SAMD4A: variants seen among roughly 807,000 people sequenced by gnomAD.
SAMD4A encodes the protein protein Smaug homolog 1.
In SAMD4A, 33 loss-of-function variants were observed where a neutral mutation model predicts 81.3. The observed-to-expected ratio is 0.41, with a 90% CI of 0.31 to 0.54. The LOEUF (loss-of-function observed/expected upper bound fraction) is 0.54, where lower values mean the gene tolerates loss of function less well. SAMD4A is among the 20% of genes least tolerant of loss of function. SAMD4A has a pLI of 0.37. For missense variants in SAMD4A, 854 were observed against 951.1 expected, an observed-to-expected ratio of 0.90 and a Z score of 1.34; for synonymous variants, 389 against 382.1, an observed-to-expected ratio of 1.02 and a Z score of -0.21.
chr14:54,642,015 C>CT (rs1308417260), intron 2 of SAMD4A, among the ~76,000 whole-genome samples: 4 of 152,160 alleles, frequency 2.6e-5, no homozygotes, highest in Non-Finnish European at 5.9e-5. Context: ...CCAGGCTGGT[C>CT]TTGAACTCCT....
Position 54,789,255 on chromosome 14 carries a change from G to A in SAMD4A, c.*311G>A. 1 of 480,590 alleles carries A rather than the reference G, an allele frequency of 2.1e-6. No individual in the cohort carries two copies. The highest frequency in any genetic ancestry group is 2.4e-5 in the South Asian group (1 of 41,208). 29.8% of individuals were successfully genotyped at this position (480,590 alleles called of 1,614,324 possible). The stretch of plus-strand genomic sequence containing the variant: ...TGCAGGTAGCTCTCTGGATGGAACG[G>A]GGACAGGGGAAAGAGTACTGCCATG... On this transcript the variant is annotated 3_prime_UTR_variant, in exon 13 of 13. Coordinates refer to ENST00000554335, the MANE Select transcript of SAMD4A (RefSeq NM_015589.6).
At chr14:54,705,525 A>C (rs1289399830) in intron 3 of SAMD4A, among the ~76,000 whole-genome samples, 2 of 152,204 alleles carry the variant, frequency 1.3e-5, no homozygotes, top group Non-Finnish European at 2.9e-5. Flanking sequence ...CAGCCACGTT[A>C]ATGATGTTGA....
intron 12 of SAMD4A, among the ~76,000 whole-genome samples, chr14:54,785,989 C>CACCTCTGG (rs2039130137): frequency 6.6e-6 from 1 of 152,228 alleles, no homozygotes; most frequent in Non-Finnish European, 1.5e-5. Context: ...CATCACTGGG[C>CACCTCTGG]CATCCCTGGT....
intron 5 of SAMD4A, among the ~76,000 whole-genome samples, chr14:54,750,385 T>C (rs376437979): frequency 6.6e-6 from 1 of 152,224 alleles, no homozygotes; most frequent in Non-Finnish European, 1.5e-5. Flanking sequence ...TTCTATGGAA[T>C]AGTTGCAAGA....
chr14:54,583,319 A>G (rs544608264), intron 2 of SAMD4A, among the ~76,000 whole-genome samples: 9 of 152,206 alleles, frequency 5.9e-5, no homozygotes, highest in African/African-American at 2.2e-4. Context: ...TTCATGGTGT[A>G]TTTGCAATTC....
At chr14:54,763,555 G>C (rs1176518957) in intron 7 of SAMD4A, among the ~76,000 whole-genome samples, 1 of 152,196 alleles carries the variant, frequency 6.6e-6, no homozygotes, top group Non-Finnish European at 1.5e-5. Flanking sequence ...GAAAGTGTAT[G>C]TGCAAAGGCA....
chr14:54,601,861 G>A (rs564422550), intron 2 of SAMD4A, among the ~76,000 whole-genome samples: 2 of 152,264 alleles, frequency 1.3e-5, no homozygotes, highest in Admixed American at 1.3e-4. Flanking sequence ...ACTAATAATG[G>A]GTATTAGAGT....
chr14:54,644,970 A>G (rs751586197), intron 2 of SAMD4A, among the ~76,000 whole-genome samples: 2 of 152,140 alleles, frequency 1.3e-5, no homozygotes, highest in Non-Finnish European at 2.9e-5. Context: ...TAGTGTACTC[A>G]AACTGTTAAA....
chr14:54,786,541 C>T (rs969809173), intron 12 of SAMD4A, among the ~76,000 whole-genome samples: 1 of 152,224 alleles, frequency 6.6e-6, no homozygotes, highest in African/African-American at 2.4e-5. Flanking sequence ...TGGCACCTGC[C>T]AGAGCTCTGA....
intron 3 of SAMD4A, among the ~76,000 whole-genome samples, chr14:54,716,474 G>A (rs1055181001): frequency 6.6e-6 from 1 of 152,132 alleles, no homozygotes; most frequent in Non-Finnish European, 1.5e-5. Flanking sequence ...ATATTACAGA[G>A]GTGTCTCATT....
rs567831973 is a variant in SAMD4A at position 54,727,166 on chromosome 14, C to CTTTTTTTTTTTTTTTTTTTT, written c.716-9836_716-9817dup. Among the ~76,000 whole-genome samples, 9 of 59,184 alleles carry CTTTTTTTTTTTTTTTTTTTT rather than the reference C, an allele frequency of 1.5e-4. 3 individuals carry two copies. The highest frequency in any genetic ancestry group is 4.9e-4 in the Admixed American group (2 of 4,066). 38.8% of individuals were successfully genotyped at this position (59,184 alleles called of 152,430 possible). A position where few individuals can be genotyped will look rare whatever the true frequency, so the allele number is the denominator to read the frequency against. ...TTATCACAACAGCCTTCTTTTTTTC[C>CTTTTTTTTTTTTTTTTTTTT]TTTTTTTTTTTTTTTTTTTTTTTTT... On this transcript the variant is annotated intron_variant, in intron 3 of 12. Transcript: ENST00000554335.
intron 2 of SAMD4A, among the ~76,000 whole-genome samples, chr14:54,628,498 C>T (rs1331307506): frequency 6.6e-6 from 1 of 152,128 alleles, no homozygotes; most frequent in Non-Finnish European, 1.5e-5. Context: ...ATTGGGGAAG[C>T]AGCTATGGAA....
chr14:54,568,024 C>T lies in SAMD4A; in HGVS notation c.108C>T (p.Thr36=). 1.2e-6 allele frequency: 2 copies of T among 1,606,082 alleles called. No homozygotes were observed. Among genetic ancestry groups the T allele is most frequent in the Non-Finnish European group, 1.7e-6 (2 of 1,179,364 alleles). ...LLSLLKRVSQ[T]QARFLQLCLE... is the part of the protein sequence containing the mutation. The stretch of plus-strand genomic sequence containing the variant: ...CGCTGCTCAAGCGCGTGAGCCAGAC[C>T]CAGGCCCGCTTCCTCCAGCTCTGCC... The change falls in exon 2 of 13, where the codon ACC becomes ACT. Residue 36 remains threonine, a synonymous_variant. Coordinates refer to ENST00000554335, the MANE Select transcript of SAMD4A (RefSeq NM_015589.6).
intron 2 of SAMD4A, among the ~76,000 whole-genome samples, chr14:54,574,237 A>G (rs982066393): frequency 1.3e-5 from 2 of 152,236 alleles, no homozygotes; most frequent in Non-Finnish European, 2.9e-5. Context: ...TCATAATTCG[A>G]TCATACACAG....
intron 6 of SAMD4A, among the ~76,000 whole-genome samples, chr14:54,753,451 C>T (rs1430547491): frequency 3.3e-5 from 5 of 151,908 alleles, no homozygotes; most frequent in African/African-American, 1.2e-4. Context: ...TTTGTGAGCT[C>T]CAGGTTGGGT....
intron 8 of SAMD4A, among the ~76,000 whole-genome samples, chr14:54,765,867 G>A (rs1474751089): frequency 6.6e-6 from 1 of 151,108 alleles, no homozygotes; most frequent in African/African-American, 2.4e-5. Context: ...GTCCCCCTCT[G>A]GGATTCCATC....
intron 11 of SAMD4A, among the ~76,000 whole-genome samples, chr14:54,778,584 C>T (rs936044872): frequency 1.3e-5 from 2 of 152,218 alleles, no homozygotes; most frequent in African/African-American, 4.8e-5. Flanking sequence ...ATATGCTTCG[C>T]ACACTGGACT....
intron 2 of SAMD4A, among the ~76,000 whole-genome samples, chr14:54,598,623 A>G (rs1317997022): frequency 1.3e-5 from 2 of 152,206 alleles, no homozygotes; most frequent in African/African-American, 4.8e-5. Context: ...AAAAGTTACT[A>G]TTCCTCTCTC....
chr14:54,735,298 C>A (rs1047771990), intron 3 of SAMD4A, among the ~76,000 whole-genome samples: 1 of 151,930 alleles, frequency 6.6e-6, no homozygotes, highest in Non-Finnish European at 1.5e-5. Context: ...TTCCAGGGAG[C>A]CTTTTTAAAT....
Sources: allele counts gnomAD v4.1 joint callset (sites outside exome capture counted in the v4.1 genomes callset), GRCh38; gene constraint gnomAD v4.1.1; transcripts MANE v1.5; gene names NCBI Gene and HGNC (gene_info 2026-07-23, HGNC 2026-07-21).